DNAH5: variants seen among roughly 807,000 people sequenced by gnomAD.
The protein encoded by DNAH5 is dynein axonemal heavy chain 5.
Under a neutral mutation model 518.2 loss-of-function variants are expected in DNAH5, and 372 were observed. That is an observed-to-expected ratio of 0.72 (90% CI 0.66 to 0.78). The LOEUF is 0.78. Ranked by LOEUF, DNAH5 falls within the 30% of genes least tolerant of loss-of-function variation. The pLI, the probability that DNAH5 is intolerant of heterozygous loss-of-function variation, is 0.00. For synonymous variants in DNAH5, 2,039 were observed against 2,025.9 expected (o/e 1.01, Z -0.17); for missense variants, 5,523 against 5,687.0 (o/e 0.97, Z 0.93).
At chr5:13,958,205 T>C (rs1561005839) in intron 1 of DNAH5, among the ~76,000 whole-genome samples, 2 of 152,066 alleles carry the variant, frequency 1.3e-5, no homozygotes, top group African/African-American at 4.8e-5. Context: ...AATCTCTATT[T>C]ATTAATTTCA....
chr5:13,760,917 G>A (rs191241503), intron 60 of DNAH5, among the ~76,000 whole-genome samples: 5 of 152,322 alleles, frequency 3.3e-5, no homozygotes, highest in African/African-American at 1.2e-4. Flanking sequence ...TCCCTACACA[G>A]TGAATGCGGG....
rs1740699311 is a variant in DNAH5, at chr5:13,691,611, T to G, written c.*373A>C. ...GACTTGCCCTGTTACCTTCAAGAAC[T>G]TGGCTGTTACCAGGCCACGTTAACA... On this transcript the variant is annotated 3_prime_UTR_variant, in exon 79 of 79. Coordinates refer to ENST00000265104, the MANE Select transcript of DNAH5 (RefSeq NM_001369.3). The G allele has an allele frequency of 4.4e-6, 1 of 227,616 alleles. No individual in the cohort carries two copies. The highest frequency in any genetic ancestry group is 8.8e-6 in the Non-Finnish European group (1 of 113,636). The allele number at this position is 227,616 out of a possible 1,614,324, so 14.1% of individuals were successfully genotyped here.
rs778341195 is a variant in DNAH5, at chr5:13,844,950, C to G, written c.5158G>C (p.Val1720Leu). 1 of 1,613,950 alleles carries G rather than the reference C, an allele frequency of 6.2e-7. No homozygotes were observed. Among genetic ancestry groups the G allele is most frequent in the Non-Finnish European group, 8.5e-7 (1 of 1,179,966 alleles). ...ATCTCTAGAAGGGCAGGATCTGAGA[C>G]GAAGAAAAACCGAGGAAAGCACAGT... ...KRLCFPRFFF[V>L]SDPALLEILG... Residue 1720 changes from valine (V) to leucine (L), a missense_variant, in exon 32 of 79, where the codon GTC becomes CTC. This residue lies in a region of DNAH5 where 5,121 missense variants were observed against 5,223.3 expected (regional missense o/e 0.98). Coordinates refer to ENST00000265104, the MANE Select transcript of DNAH5 (RefSeq NM_001369.3).
In DNAH5 at chr5:13,859,538, T is replaced by G; in HGVS notation, c.4864A>C (p.Ile1622Leu). The change falls in exon 30 of 79, where the codon ATC becomes CTC. Residue 1622 changes from isoleucine (I) to leucine (L), a missense_variant. Coordinates refer to ENST00000265104, the MANE Select transcript of DNAH5 (RefSeq NM_001369.3). ...TTTTGCACCGTCATCCAGCTCTCGA[T>G]GATGTCTGTTGAGTTGGAAAGGTAC... ...VQYLSNSTDI[I>L]ESWMTVQNLW... is the part of the protein sequence containing the mutation. 6.2e-7 allele frequency: 1 copy of G among 1,614,080 alleles called. No homozygotes were observed. The highest frequency in any genetic ancestry group is 8.5e-7 in the Non-Finnish European group (1 of 1,179,944).
rs77792054 is a variant in DNAH5, at chr5:13,802,826, C to A, written c.7887+4765G>T. 1.6e-3 allele frequency among the ~76,000 whole-genome samples: 245 copies of A among 152,318 alleles called. 2 individuals carry two copies. The highest frequency in any genetic ancestry group is 5.7e-3 in the African/African-American group (239 of 41,576). On this transcript the variant is annotated intron_variant, in intron 47 of 78. Transcript: ENST00000265104. ...AAAAACGAACTAAACTACTGCTTCT[C>A]ACATTTATCAACTCTATGATTTCAG...
chr5:13,834,681 A>G (rs1300296938), intron 35 of DNAH5, among the ~76,000 whole-genome samples: 1 of 152,174 alleles, frequency 6.6e-6, no homozygotes, highest in Admixed American at 6.5e-5. Context: ...CTATGCCACT[A>G]TTGAAGGAAG....
chr5:13,870,969 T>A lies in DNAH5; in HGVS notation c.3632A>T (p.Lys1211Met). ...GCGTCCAATGACAACCATCCAGGCC[T>A]TTGTCTCAGCAGTCAGGGCGAACTT... Reference protein sequence around the residue: ...DLKFALTAETKAWMVVIGRHC... With the variant: ...DLKFALTAETMAWMVVIGRHC... The change falls in exon 24 of 79, where the codon AAG becomes ATG. Residue 1211 changes from lysine (K) to methionine (M), a missense_variant. Coordinates refer to ENST00000265104, the MANE Select transcript of DNAH5 (RefSeq NM_001369.3). 1 of 1,613,634 alleles carries A rather than the reference T, an allele frequency of 6.2e-7. No homozygotes were observed. The highest frequency in any genetic ancestry group is 8.5e-7 in the Non-Finnish European group (1 of 1,179,770).
In DNAH5 at chr5:13,916,804, T is replaced by C. The variant is rs11741486; in HGVS notation, c.1089+339A>G. Among the ~76,000 whole-genome samples, 70,428 of 151,746 alleles carry C rather than the reference T, an allele frequency of 0.46. 17,421 individuals are homozygous for C. Among genetic ancestry groups the C allele is most frequent in the East Asian group, 0.86 (4,417 of 5,166 alleles). ...CTAAAAGATTAAAAAAAAACATCAC[T>C]AGCTAATGACTTTTCCCACAGTTCT... is the stretch of plus-strand genomic sequence containing the variant. On this transcript the variant is annotated intron_variant, in intron 8 of 78. Transcript: ENST00000265104.
At chr5:14,011,257 A>G (rs573628259) in intron 1 of DNAH5, among the ~76,000 whole-genome samples, 27 of 152,248 alleles carry the variant, frequency 1.8e-4, no homozygotes, top group African/African-American at 6.3e-4. Flanking sequence ...CCTTCGCCAC[A>G]CCTGGATATC....
intron 53 of DNAH5, among the ~76,000 whole-genome samples, chr5:13,779,887 C>T (rs1288149781): frequency 2.0e-5 from 3 of 152,178 alleles, no homozygotes; most frequent in Admixed American, 2.0e-4. Context: ...ACCCCTGAGA[C>T]AGCCTTATAA....
rs771956532 is a variant in DNAH5 at position 13,917,235 on chromosome 5, G to T, written c.997C>A (p.Arg333=). ...LLKTWREMDI[R]ITDATNEAKD... The stretch of plus-strand genomic sequence containing the variant: ...GCTTCATTAGTTGCATCAGTGATTC[G>T]AATATCCATCTCCCGCCAAGTCTAA... Residue 333 remains arginine, a synonymous_variant, in exon 8 of 79, where the codon CGA becomes AGA. Transcript: ENST00000265104. 1.2e-5 allele frequency: 20 copies of T among 1,613,566 alleles called. No individual in the cohort carries two copies. The South Asian group carries it at 1.4e-4, about 12-fold the overall frequency.
At chr5:13,825,832 A>T (rs1229623931) in intron 38 of DNAH5, among the ~76,000 whole-genome samples, 1 of 152,242 alleles carries the variant, frequency 6.6e-6, no homozygotes, top group Non-Finnish European at 1.5e-5. Context: ...TACACTAAAA[A>T]TGGTTAAGAT....
At position 13,922,214 on chromosome 5, in the gene DNAH5, C is replaced by T. The variant is rs752339132; in HGVS notation, c.553G>A (p.Glu185Lys). 3.3e-5 allele frequency: 53 copies of T among 1,614,004 alleles called. 1 individual carries two copies. Among genetic ancestry groups the T allele is most frequent in the South Asian group, 3.0e-4 (27 of 91,070 alleles). Residue 185 changes from glutamate to lysine, a missense_variant, in exon 5 of 79, where the codon GAG (glutamate) becomes AAG (lysine). Coordinates refer to ENST00000265104, the MANE Select transcript of DNAH5 (RefSeq NM_001369.3). ...GCTGCGTCCTGAAGGCCCTCGAGCTCGCCCCAGCCATGGCTCGTGGCTCTG... is the reference window on the plus strand; with the variant it reads ...GCTGCGTCCTGAAGGCCCTCGAGCTTGCCCCAGCCATGGCTCGTGGCTCTG... ...ALRATSHGWG[E>K]LEGLQDAANI...
At chr5:13,834,569 C>T (rs6875232) in intron 35 of DNAH5, among the ~76,000 whole-genome samples, 58,510 of 152,018 alleles carry the variant, frequency 0.38, 11,441 homozygotes, top group East Asian at 0.6. Flanking sequence ...ATGAAGCCCA[C>T]GCACCAAGGA....
In DNAH5 at chr5:13,871,759, T is replaced by C; in HGVS notation, c.3403A>G (p.Ile1135Val). 6.2e-7 allele frequency: 1 copy of C among 1,613,340 alleles called. No individual in the cohort carries two copies. Among genetic ancestry groups the C allele is most frequent in the Non-Finnish European group, 8.5e-7 (1 of 1,179,478 alleles). The change falls in exon 23 of 79, where the codon ATT becomes GTT. Residue 1135 changes from isoleucine (I) to valine (V), a missense_variant. Transcript: ENST00000265104. ...TIINSTKKEV[I>V]TSMDCFKRYN... is the part of the protein sequence containing the mutation. ...CGTTTGAAGCAATCCATGGATGTAA[T>C]AACTTCCTGAATGCAAATAACAGAT...
chr5:13,980,140 T>C (rs537586316), intron 1 of DNAH5, among the ~76,000 whole-genome samples: 86 of 152,060 alleles, frequency 5.7e-4, no homozygotes, highest in African/African-American at 2.0e-3. Flanking sequence ...GCCCAGCCCA[T>C]CCCTTCTTCT....
At chr5:13,778,539 GAAGAAAGAAAGAAAGAAAGAAAGA>G (rs397996833) in intron 53 of DNAH5, among the ~76,000 whole-genome samples, 88 of 73,910 alleles carry the variant, frequency 1.2e-3, no homozygotes, top group Admixed American at 2.1e-3. Context: ...GAGAGAGAGA[GAAGAAAGAAAGAAAGAAAGAAAGA>G]AAGAAAGAAA....
intron 29 of DNAH5, 66 bp from the exon 30 acceptor site, chr5:13,859,671 G>C: frequency 2.0e-6 from 3 of 1,523,162 alleles, no homozygotes; most frequent in Middle Eastern, 1.7e-4. Flanking sequence ...AAATTAAAAA[G>C]GTTTTTAAAA....
chr5:13,837,013 G>A (rs1057317748), intron 35 of DNAH5, among the ~76,000 whole-genome samples: 11 of 152,190 alleles, frequency 7.2e-5, no homozygotes, highest in African/African-American at 1.9e-4. Context: ...AAGACAATGG[G>A]GACCTGGGTC....
Sources: allele counts gnomAD v4.1 joint callset (sites outside exome capture counted in the v4.1 genomes callset), GRCh38; gene constraint gnomAD v4.1.1; regional missense constraint gnomAD v4.1.1; transcripts MANE v1.5; gene names NCBI Gene and HGNC (gene_info 2026-07-23, HGNC 2026-07-21).